The following INPP5D variants were observed in gnomAD, a reference collection of about 807,000 sequenced individuals.
INPP5D encodes the protein phosphatidylinositol 3,4,5-trisphosphate 5-phosphatase 1.
Under a neutral mutation model 122.9 loss-of-function variants are expected in INPP5D, and 33 were observed. That is an observed-to-expected ratio of 0.27 (90% CI 0.20 to 0.36). INPP5D has a LOEUF of 0.36. Ranked by LOEUF, INPP5D falls within the 10% of genes least tolerant of loss-of-function variation. The pLI, the probability that INPP5D is intolerant of heterozygous loss-of-function variation, is 1.00. For missense variants in INPP5D, 1,053 were observed against 1,412.7 expected, an observed-to-expected ratio of 0.75 and a Z score of 4.08; for synonymous variants, 584 against 576.2, an observed-to-expected ratio of 1.01 and a Z score of -0.19.
intron 5 of INPP5D, among the ~76,000 whole-genome samples, chr2:233,133,078 A>T (rs1293070148): frequency 6.6e-6 from 1 of 151,670 alleles, no homozygotes; most frequent in Non-Finnish European, 1.5e-5. Context: ...GACTACAGGT[A>T]TGTGCCACCA....
At chr2:233,121,714 T>C (rs913396445) in intron 2 of INPP5D, among the ~76,000 whole-genome samples, 2 of 151,514 alleles carry the variant, frequency 1.3e-5, no homozygotes, top group African/African-American at 4.9e-5. Flanking sequence ...TTAGCAGAGA[T>C]GGGGTTTCAT....
At position 233,183,135 on chromosome 2, in the gene INPP5D, C is replaced by T. The variant is rs138503742; in HGVS notation, c.2161+636C>T. On this transcript the variant is annotated intron_variant, in intron 19 of 26. Transcript: ENST00000445964. This position sits in a 1 kb window ranked among gnomAD's most constrained non-coding sequence, Gnocchi z 4.6. The stretch of plus-strand genomic sequence containing the variant: ...CAGCTCAGCCCTGGTTGCCAGGCCA[C>T]CCTCATCCCAGCTGGGCCAGGTGTT... Among the ~76,000 whole-genome samples the T allele has an allele frequency of 6.6e-6, 1 of 152,286 alleles. No homozygotes were observed. Among genetic ancestry groups the T allele is most frequent in the Non-Finnish European group, 1.5e-5 (1 of 68,028 alleles).
chr2:233,174,448 C>A (rs916507063), intron 17 of INPP5D, among the ~76,000 whole-genome samples: 1 of 152,162 alleles, frequency 6.6e-6, no homozygotes, highest in Non-Finnish European at 1.5e-5. Context: ...TTTGTGGAGC[C>A]CCACGGGTAA....
intron 22 of INPP5D, 132 bp downstream of exon 22, chr2:233,190,069 C>A: frequency 1.4e-6 from 2 of 1,386,698 alleles, no homozygotes; most frequent in Non-Finnish European, 1.9e-6. Flanking sequence ...CCCAGGGCTG[C>A]TAGTGGGACC....
At chr2:233,135,639 T>A (rs1057229962) in intron 5 of INPP5D, among the ~76,000 whole-genome samples, 8 of 149,728 alleles carry the variant, frequency 5.3e-5, no homozygotes, top group African/African-American at 1.7e-4. Context: ...ATTTAATATA[T>A]TTAATATTTA....
intron 17 of INPP5D, 94 bp downstream of exon 17, chr2:233,171,246 A>C (rs2106303418): frequency 6.7e-7 from 1 of 1,492,160 alleles, no homozygotes; most frequent in South Asian, 1.3e-5. Flanking sequence ...TTCATCCATT[A>C]GGCAAAAAAA....
At chr2:233,143,616 A>G (rs1424701110) in intron 6 of INPP5D, among the ~76,000 whole-genome samples, 1 of 152,252 alleles carries the variant, frequency 6.6e-6, no homozygotes, top group Non-Finnish European at 1.5e-5. Flanking sequence ...GATTGACAAT[A>G]ACTAAAGAAG....
chr2:233,182,372 CTCCT>C, intron 18 of INPP5D, 34 bp from the exon 19 acceptor site: 1 of 1,611,898 alleles, frequency 6.2e-7, no homozygotes, highest in Non-Finnish European at 8.5e-7. Flanking sequence ...GGAAGGGCTT[CTCCT>C]TCCCTGCTTA....
rs950527344 is a variant in INPP5D at position 233,183,638 on chromosome 2, T to A, written c.2162-770T>A. On this transcript the variant is annotated intron_variant, in intron 19 of 26. Transcript: ENST00000445964. The surrounding 1 kb of genome is among the most constrained non-coding windows in gnomAD (Gnocchi z 4.6). ...GGCATCCTCCATGTCAGGCTGGGCT[T>A]CCCTCCACGGGGGATCAGTACACAG... Among the ~76,000 whole-genome samples, 2 of 152,188 alleles carry A rather than the reference T, an allele frequency of 1.3e-5. No individual in the cohort carries two copies. The highest frequency in any genetic ancestry group is 4.8e-5 in the African/African-American group (2 of 41,454).
In INPP5D at chr2:233,155,623, AAAAT is replaced by A. The variant is rs1189446853; in HGVS notation, c.1031-2655_1031-2652del. On this transcript the variant is annotated intron_variant, in intron 9 of 26. Transcript: ENST00000445964. ...GTGATGGAGCGAGACTCCATCTCAA[AAAAT>A]AAATAAATAAATAAATAAATAAATA... Among the ~76,000 whole-genome samples, 470 of 101,638 alleles carry A rather than the reference AAAAT, an allele frequency of 4.6e-3. 6 individuals are homozygous for A. The highest frequency in any genetic ancestry group is 0.043 in the Middle Eastern group (10 of 232). 66.7% of individuals were successfully genotyped at this position (101,638 alleles called of 152,430 possible). A position where few individuals can be genotyped will look rare whatever the true frequency, so the allele number is the denominator to read the frequency against.
intron 4 of INPP5D, among the ~76,000 whole-genome samples, chr2:233,129,515 T>A (rs1693257917): frequency 6.6e-6 from 1 of 152,266 alleles, no homozygotes; most frequent in Non-Finnish European, 1.5e-5. Context: ...GCTCTCTGCC[T>A]GTGCCTCTGC....
intron 6 of INPP5D, among the ~76,000 whole-genome samples, chr2:233,145,616 C>T (rs1295982605): frequency 6.6e-6 from 1 of 151,898 alleles, no homozygotes; most frequent in Non-Finnish European, 1.5e-5. Context: ...GAAATTGAGT[C>T]TCTGGAGATT....
intron 13 of INPP5D, among the ~76,000 whole-genome samples, chr2:233,168,485 C>A (rs1256210949): frequency 6.6e-6 from 1 of 152,224 alleles, no homozygotes; most frequent in Admixed American, 6.5e-5. Flanking sequence ...GCTCTTTGGG[C>A]CACACAACTG....
chr2:233,198,349 G>T lies in INPP5D; in HGVS notation c.2948G>T (p.Gly983Val), dbSNP rs1168971461. The T allele has an allele frequency of 6.2e-7, 1 of 1,613,474 alleles. No homozygotes were observed. Among genetic ancestry groups the T allele is most frequent in the Non-Finnish European group, 8.5e-7 (1 of 1,179,638 alleles). The part of the protein sequence containing the change: ...KKFLPSTANR[G>V]LPPRTQESRP... ...TTTTTACCCTCAACAGCAAACCGGGGTCTCCCTCCCAGGACACAGGAGTCA... is the reference window on the plus strand; with the variant it reads ...TTTTTACCCTCAACAGCAAACCGGGTTCTCCCTCCCAGGACACAGGAGTCA... Residue 983 changes from glycine (G) to valine (V), a missense_variant, in exon 25 of 27, where the codon GGT becomes GTT. Around this residue, in one of 6 missense-constraint regions of INPP5D, gnomAD observed 417 missense variants for 425.8 expected, o/e 0.98. Transcript: ENST00000445964.
At position 233,197,071 on chromosome 2, in the gene INPP5D, A is replaced by G. The variant is rs1695203304; in HGVS notation, c.2694-1024A>G. On this transcript the variant is annotated intron_variant, in intron 24 of 26. Transcript: ENST00000445964. The surrounding 1 kb of genome is among the most constrained non-coding windows in gnomAD (Gnocchi z 4.4). ...CTTTTCCATTTTGACTAGCATGAGA[A>G]CGAGCATTTATTTCTGAAGCAGGCA... Among the ~76,000 whole-genome samples, 1 of 152,124 alleles carries G rather than the reference A, an allele frequency of 6.6e-6. No homozygotes were observed. The highest frequency in any genetic ancestry group is 2.4e-5 in the African/African-American group (1 of 41,480).
chr2:233,171,854 C>T (rs1559333063), intron 17 of INPP5D, among the ~76,000 whole-genome samples: 5 of 152,224 alleles, frequency 3.3e-5, no homozygotes, highest in African/African-American at 4.8e-5. Context: ...AAGCCAGCCC[C>T]TGGCAGGATT....
chr2:233,070,308 C>G (rs919786132), intron 1 of INPP5D, among the ~76,000 whole-genome samples: 8 of 152,080 alleles, frequency 5.3e-5, no homozygotes, highest in Non-Finnish European at 8.8e-5. Flanking sequence ...TCAGTCTTTT[C>G]CTTTTTTCTC....
At chr2:233,159,652 CCACTG>C (rs1399814472) in intron 10 of INPP5D, among the ~76,000 whole-genome samples, 2 of 140,974 alleles carry the variant, frequency 1.4e-5, no homozygotes, top group East Asian at 4.1e-4. Context: ...TATGATCACA[CCACTG>C]CACTCCAGCC....
chr2:233,174,386 A>C (rs1234522256), intron 17 of INPP5D, among the ~76,000 whole-genome samples: 3 of 152,214 alleles, frequency 2.0e-5, no homozygotes, highest in African/African-American at 7.2e-5. Context: ...CTCCATTATA[A>C]TTTTGTAGGA....
Sources: gnomAD v4.1 joint callset for allele counts (sites outside exome capture counted in the v4.1 genomes callset) on GRCh38, gnomAD v4.1.1 for gene constraint, gnomAD v4.1.1 regional missense constraint, Gnocchi (gnomAD v3.1) non-coding constraint, MANE v1.5 for transcripts, NCBI Gene and HGNC (gene_info 2026-07-23, HGNC 2026-07-21) for gene names.